ATP13A4: variants seen among roughly 807,000 people sequenced by gnomAD.
ATP13A4 encodes probable cation-transporting ATPase 13A4.
ATP13A4 carries 114 observed loss-of-function variants against 142.5 expected under a neutral mutation model. The observed-to-expected ratio is 0.80, with a 90% CI of 0.69 to 0.93. ATP13A4 has a LOEUF of 0.93. Ranked by LOEUF, ATP13A4 falls within the 40% of genes least tolerant of loss-of-function variation. The pLI is 0.00. For missense variants in ATP13A4, 1,392 were observed against 1,454.0 expected (o/e 0.96, Z 0.69); for synonymous variants, 488 against 514.8 (o/e 0.95, Z 0.70).
Position 193,582,712 on chromosome 3 carries a change from A to G in ATP13A4, n.92-806T>C, listed in dbSNP as rs1354365648. Among the ~76,000 whole-genome samples, 2 of 47,764 alleles carry G rather than the reference A, an allele frequency of 4.2e-5. 1 individual carries two copies. The highest frequency in any genetic ancestry group is 6.2e-4 in the Admixed American group (2 of 3,212). 31.3% of individuals were successfully genotyped at this position (47,764 alleles called of 152,430 possible). A position where few individuals can be genotyped will look rare whatever the true frequency, so the allele number is the denominator to read the frequency against. ...TATGTGTATAACATATATAATATAT[A>G]TGTATATTACATATATAAAATATAT... On this transcript the variant is annotated intron_variant and non_coding_transcript_variant, in intron 1 of 3. Transcript: ENST00000489140.
At chr3:193,454,301 C>T (rs1024890750) in intron 16 of ATP13A4, 89 bp from the exon 17 acceptor site, 37 of 939,096 alleles carry the variant, frequency 3.9e-5, no homozygotes, top group Non-Finnish European at 5.8e-5. Flanking sequence ...CAACTTTTGC[C>T]CAAGAAAACA....
intron 2 of ATP13A4, among the ~76,000 whole-genome samples, chr3:193,561,609 T>C (rs1724018646): frequency 6.6e-6 from 1 of 152,126 alleles, no homozygotes; most frequent in East Asian, 1.9e-4. Flanking sequence ...TATTTACTAA[T>C]GGAAAAAGGA....
At chr3:193,462,919 A>G in intron 12 of ATP13A4, 96 bp from the exon 13 acceptor site, 1 of 1,252,124 alleles carries the variant, frequency 8.0e-7, no homozygotes, top group Non-Finnish European at 1.2e-6. Flanking sequence ...CGGAGGCAAG[A>G]GGATCACTTG....
chr3:193,533,791 G>A (rs551734224), intron 1 of ATP13A4, among the ~76,000 whole-genome samples: 1 of 152,244 alleles, frequency 6.6e-6, no homozygotes, highest in Admixed American at 6.5e-5. Context: ...CAACCTCCCT[G>A]CAAGGATAGT....
intron 2 of ATP13A4, among the ~76,000 whole-genome samples, chr3:193,566,735 G>A (rs978553280): frequency 6.6e-6 from 1 of 151,996 alleles, no homozygotes; most frequent in African/African-American, 2.4e-5. Context: ...CAGTCCTTTT[G>A]GTCAAGGCCC....
intron 24 of ATP13A4, among the ~76,000 whole-genome samples, chr3:193,434,530 T>C (rs1219249520): frequency 6.6e-6 from 1 of 152,216 alleles, no homozygotes; most frequent in Non-Finnish European, 1.5e-5. Context: ...GAGTATAATT[T>C]GGGAATTCTA....
rs182374673 is a variant in ATP13A4, at chr3:193,480,517, A to C, written c.808+3419T>G. Among the ~76,000 whole-genome samples, 452 of 152,304 alleles carry C rather than the reference A, an allele frequency of 3.0e-3. 4 individuals are homozygous for C. The highest frequency in any genetic ancestry group is 0.01 in the African/African-American group (422 of 41,568). On this transcript the variant is annotated intron_variant, in intron 8 of 29. Coordinates refer to ENST00000342695, the MANE Select transcript of ATP13A4 (RefSeq NM_032279.4). ...GAAGATATAAAGATGGCCAAGAAAC[A>C]TATGAAAAAGTGCTCAGCATCACTA...
At chr3:193,512,115 G>A (rs1721171592) in intron 2 of ATP13A4, among the ~76,000 whole-genome samples, 1 of 152,200 alleles carries the variant, frequency 6.6e-6, no homozygotes. Context: ...ACCCTGCAAG[G>A]CAGAGCGTGG....
intron 25 of ATP13A4, among the ~76,000 whole-genome samples, chr3:193,425,724 G>A (rs1199855010): frequency 6.6e-6 from 1 of 151,762 alleles, no homozygotes; most frequent in Non-Finnish European, 1.5e-5. Context: ...AGATAGAGAG[G>A]AGAAGGGGAT....
At chr3:193,524,778 T>C (rs1285290674) in intron 1 of ATP13A4, among the ~76,000 whole-genome samples, 1 of 152,216 alleles carries the variant, frequency 6.6e-6, no homozygotes, top group Non-Finnish European at 1.5e-5. Flanking sequence ...AAAAGAGTTA[T>C]TCAAATATAA....
intron 1 of ATP13A4, among the ~76,000 whole-genome samples, chr3:193,540,718 T>A (rs1255629765): frequency 1.4e-5 from 2 of 146,390 alleles, no homozygotes; most frequent in Non-Finnish European, 3.1e-5. Context: ...TATTTTAATA[T>A]GAGGGAAATA....
At chr3:193,410,650 T>A (rs917648951) in intron 28 of ATP13A4, among the ~76,000 whole-genome samples, 2 of 152,150 alleles carry the variant, frequency 1.3e-5, no homozygotes, top group Non-Finnish European at 2.9e-5. Flanking sequence ...GCTCAGAAAT[T>A]TGAGGCTATA....
intron 7 of ATP13A4, among the ~76,000 whole-genome samples, chr3:193,487,820 T>C (rs1278483293): frequency 6.6e-6 from 1 of 152,216 alleles, no homozygotes; most frequent in African/African-American, 2.4e-5. Context: ...AAGATATATG[T>C]GCAAGGATGT....
At position 193,464,977 on chromosome 3, in the gene ATP13A4, T is replaced by G; in HGVS notation, c.1424A>C (p.Asn475Thr). Reference sequence around the variant, plus strand: ...GACAAGGTTTAACTGTCCACATACGTTGATCCTCTGGGGGCTAATGCAGAA... The same window carrying G: ...GACAAGGTTTAACTGTCCACATACGGTGATCCTCTGGGGGCTAATGCAGAA... ...GIFCISPQRI[N>T]VCGQLNLVCF... Residue 475 changes from asparagine to threonine, a missense_variant, in exon 12 of 30, where the codon AAC (asparagine) becomes ACC (threonine). Coordinates refer to ENST00000342695, the MANE Select transcript of ATP13A4 (RefSeq NM_032279.4). The G allele has an allele frequency of 6.2e-7, 1 of 1,614,122 alleles. No individual in the cohort carries two copies. Among genetic ancestry groups the G allele is most frequent in the Non-Finnish European group, 8.5e-7 (1 of 1,180,016 alleles).
At chr3:193,425,828 A>G (rs977540374) in intron 25 of ATP13A4, among the ~76,000 whole-genome samples, 1 of 151,812 alleles carries the variant, frequency 6.6e-6, no homozygotes, top group Non-Finnish European at 1.5e-5. Context: ...ATCATTAACA[A>G]TAGCAGACTT....
upstream of ATP13A4, among the ~76,000 whole-genome samples, chr3:193,559,028 G>C (rs888555894): frequency 6.6e-6 from 1 of 152,170 alleles, no homozygotes; most frequent in Admixed American, 6.6e-5. Flanking sequence ...GGAAATAATG[G>C]CAGGACCGGT....
intron 1 of ATP13A4, chr3:193,592,952 T>C (rs1454711650): frequency 2.0e-5 from 4 of 195,464 alleles, no homozygotes; most frequent in Non-Finnish European, 4.1e-5. Context: ...TCATCAATTC[T>C]CATTCCACGC....
At chr3:193,448,430 G>T in intron 17 of ATP13A4, 100 bp from the exon 18 acceptor site, 1 of 1,461,974 alleles carries the variant, frequency 6.8e-7, no homozygotes, top group Admixed American at 1.7e-5. Context: ...GGAGGACAGT[G>T]GTTCAAGTCA....
chr3:193,449,528 G>A (rs543572183), intron 17 of ATP13A4, among the ~76,000 whole-genome samples: 1 of 152,280 alleles, frequency 6.6e-6, no homozygotes, highest in Admixed American at 6.5e-5. Flanking sequence ...TTGAAAGAAT[G>A]GCACTTCCCA....
Sources: gnomAD v4.1 joint callset for allele counts (sites outside exome capture counted in the v4.1 genomes callset) on GRCh38, gnomAD v4.1.1 for gene constraint, MANE v1.5 for transcripts, NCBI Gene and HGNC (gene_info 2026-07-23, HGNC 2026-07-21) for gene names.